TMEFF2: variants seen among roughly 807,000 people sequenced by gnomAD.
TMEFF2 encodes tomoregulin-2.
A neutral mutation model predicts 53.8 loss-of-function variants in TMEFF2; 28 were observed. The ratio of observed to expected loss-of-function variants is 0.52; its 90% CI spans 0.39 to 0.71. The LOEUF is 0.71. TMEFF2 is among the 30% of genes least tolerant of loss of function. The pLI, the probability that TMEFF2 is intolerant of heterozygous loss-of-function variation, is 0.00. For synonymous variants in TMEFF2, 162 were observed against 166.3 expected (o/e 0.97, Z 0.20); for missense variants, 353 against 455.2 (o/e 0.78, Z 2.04).
intron 5 of TMEFF2, among the ~76,000 whole-genome samples, chr2:192,016,912 A>G (rs1686756998): frequency 2.0e-5 from 3 of 152,224 alleles, no homozygotes; most frequent in African/African-American, 7.2e-5. Context: ...TGGGCAAGAC[A>G]ATACCCTACA....
At chr2:192,147,004 A>G (rs372609189) in intron 4 of TMEFF2, among the ~76,000 whole-genome samples, 2 of 152,132 alleles carry the variant, frequency 1.3e-5, no homozygotes, top group Non-Finnish European at 2.9e-5. Context: ...ATAGTAATAC[A>G]TTAAAAGGCA....
chr2:192,127,651 T>C (rs371586933), intron 4 of TMEFF2, among the ~76,000 whole-genome samples: 3 of 145,004 alleles, frequency 2.1e-5, no homozygotes, highest in East Asian at 4.1e-4. Context: ...ATGTCTAAAG[T>C]CAAAAATTGA....
intron 7 of TMEFF2, among the ~76,000 whole-genome samples, chr2:191,965,128 C>A (rs1692433388): frequency 6.6e-6 from 1 of 152,070 alleles, no homozygotes; most frequent in African/African-American, 2.4e-5. Context: ...TTAGTCAGCC[C>A]AGATCAACTT....
chr2:192,157,613 G>T (rs1690537160), intron 4 of TMEFF2, among the ~76,000 whole-genome samples: 1 of 151,874 alleles, frequency 6.6e-6, no homozygotes, highest in African/African-American at 2.4e-5. Context: ...GTGAAAGCAA[G>T]ACATCACTTT....
In TMEFF2 at chr2:192,194,186, C is replaced by A. The variant is rs547518091; in HGVS notation, c.172+167G>T. Among the ~76,000 whole-genome samples the A allele has an allele frequency of 3.3e-5, 5 of 152,254 alleles. No homozygotes were observed. The South Asian group carries it at 1.0e-3, about 32-fold the overall frequency. ...CCCAGAACCACCCCTCACCCCCGGG[C>A]CTGCAACAGTTCCCCTTGTTTCTCT... On this transcript the variant is annotated intron_variant, in intron 1 of 9. Transcript: ENST00000272771. This position sits in a 1 kb window ranked among gnomAD's most constrained non-coding sequence, Gnocchi z 4.2.
chr2:192,151,586 C>T (rs1447641202), intron 4 of TMEFF2, among the ~76,000 whole-genome samples: 7 of 151,672 alleles, frequency 4.6e-5, no homozygotes, highest in African/African-American at 9.7e-5. Context: ...CTATCAAGAG[C>T]GTGATGGTTA....
chr2:191,953,020 G>T (rs983177407), intron 9 of TMEFF2, among the ~76,000 whole-genome samples: 1 of 152,126 alleles, frequency 6.6e-6, no homozygotes, highest in Non-Finnish European at 1.5e-5. Flanking sequence ...TTTGCATTTG[G>T]CTTGAAGTCC....
chr2:192,079,067 T>A (rs941702912), intron 4 of TMEFF2, among the ~76,000 whole-genome samples: 1 of 152,200 alleles, frequency 6.6e-6, no homozygotes, highest in South Asian at 2.1e-4. Context: ...GGCAGTTGGC[T>A]GAGCACCTTC....
chr2:191,949,741 A>AATGGAAGACC lies in TMEFF2; in HGVS notation c.*560_*569dup. 1 of 985,428 alleles carries AATGGAAGACC rather than the reference A, an allele frequency of 1.0e-6. No individual in the cohort carries two copies. Among genetic ancestry groups the AATGGAAGACC allele is most frequent in the Non-Finnish European group, 1.2e-6 (1 of 829,916 alleles). 61.0% of individuals were successfully genotyped at this position (985,428 alleles called of 1,614,324 possible). A position where few individuals can be genotyped will look rare whatever the true frequency, so the allele number is the denominator to read the frequency against. ...GAGATTTTTCTGCTCTAGGGATGAA[A>AATGGAAGACC]ATGGAAGACCAGGGAAGAAAGTTGA... On this transcript the variant is annotated 3_prime_UTR_variant, in exon 10 of 10. Coordinates refer to ENST00000272771, the MANE Select transcript of TMEFF2 (RefSeq NM_016192.4).
intron 5 of TMEFF2, chr2:192,037,795 A>C (rs922565607): frequency 1.3e-5 from 2 of 152,150 alleles, no homozygotes; most frequent in African/African-American, 4.8e-5. Flanking sequence ...TACTATACAC[A>C]TTCTCAACCA....
At chr2:192,057,915 A>C (rs921788307) in intron 4 of TMEFF2, 140 bp from the exon 5 acceptor site, 2 of 655,844 alleles carry the variant, frequency 3.0e-6, no homozygotes, top group Admixed American at 2.8e-5. Flanking sequence ...GTCAAAAGCA[A>C]CTCTTTTTTT....
rs184110267 is a variant in TMEFF2, at chr2:192,158,946, T to C, written c.439+20722A>G. On this transcript the variant is annotated intron_variant, in intron 4 of 9. Transcript: ENST00000272771. ...GGTTCTCCCTATTGACTACCTAACA[T>C]AGGGTCGAGCGATCATTTTTTTCTG... Among the ~76,000 whole-genome samples the C allele has an allele frequency of 1.6e-4, 25 of 152,188 alleles. No individual in the cohort carries two copies. The East Asian group carries it at 4.8e-3, about 29-fold the overall frequency.
intron 4 of TMEFF2, among the ~76,000 whole-genome samples, chr2:192,131,865 C>T (rs1233025703): frequency 6.6e-6 from 1 of 152,164 alleles, no homozygotes; most frequent in Non-Finnish European, 1.5e-5. Flanking sequence ...GAAAACGGCA[C>T]TTTCAATTTT....
In TMEFF2 at chr2:192,194,622, C is replaced by T. The variant is rs1450496768; in HGVS notation, c.-98G>A. 7.0e-6 allele frequency: 10 copies of T among 1,438,232 alleles called. No homozygotes were observed. Among genetic ancestry groups the T allele is most frequent in the Non-Finnish European group, 8.5e-6 (9 of 1,056,240 alleles). 89.1% of individuals were successfully genotyped at this position (1,438,232 alleles called of 1,614,324 possible). Reference sequence around the variant, plus strand: ...CTACTGAGCATCCCGCGGACGGCGGCAGCAGAGGCGGCGGCGGTGGCAGTG... The same window carrying T: ...CTACTGAGCATCCCGCGGACGGCGGTAGCAGAGGCGGCGGCGGTGGCAGTG... On this transcript the variant is annotated 5_prime_UTR_variant, in exon 1 of 10. Coordinates refer to ENST00000272771, the MANE Select transcript of TMEFF2 (RefSeq NM_016192.4). The surrounding 1 kb of genome is among the most constrained non-coding windows in gnomAD (Gnocchi z 4.2).
intron 7 of TMEFF2, among the ~76,000 whole-genome samples, chr2:191,969,123 G>C (rs2105801734): frequency 7.7e-6 from 1 of 129,598 alleles, no homozygotes; most frequent in Admixed American, 8.4e-5. Flanking sequence ...GTATGTTTGT[G>C]TATGTGTGTG....
At chr2:192,128,936 TGTGGTGCC>T (rs1689744497) in intron 4 of TMEFF2, among the ~76,000 whole-genome samples, 3 of 152,190 alleles carry the variant, frequency 2.0e-5, no homozygotes, top group Non-Finnish European at 4.4e-5. Context: ...GTGTGGCACA[TGTGGTGCC>T]TTTTGTGTTA....
chr2:192,108,089 C>A (rs1431331588), intron 4 of TMEFF2, among the ~76,000 whole-genome samples: 1 of 151,592 alleles, frequency 6.6e-6, no homozygotes, highest in East Asian at 1.9e-4. Context: ...TATATGTGAT[C>A]AATTATCTTA....
At chr2:192,176,027 C>T (rs1691034148) in intron 4 of TMEFF2, among the ~76,000 whole-genome samples, 1 of 151,314 alleles carries the variant, frequency 6.6e-6, no homozygotes, top group African/African-American at 2.4e-5. Context: ...GAGGAGGCAC[C>T]TTTAATACTT....
intron 4 of TMEFF2, among the ~76,000 whole-genome samples, chr2:192,079,070 G>T (rs961824103): frequency 5.9e-5 from 9 of 152,170 alleles, no homozygotes; most frequent in African/African-American, 2.2e-4. Context: ...AGTTGGCTGA[G>T]CACCTTCAAC....
Sources: allele counts gnomAD v4.1 joint callset (sites outside exome capture counted in the v4.1 genomes callset), GRCh38; gene constraint gnomAD v4.1.1; non-coding constraint Gnocchi (gnomAD v3.1); transcripts MANE v1.5; gene names NCBI Gene and HGNC (gene_info 2026-07-23, HGNC 2026-07-21).